Variants in RNF144B observed in about 807,000 individuals in gnomAD.
The protein encoded by RNF144B is ring finger protein 144B.
In RNF144B, 25 loss-of-function variants were observed where a neutral mutation model predicts 40.2. The observed-to-expected ratio is 0.62, with a 90% confidence interval of 0.45 to 0.87. The LOEUF (loss-of-function observed/expected upper bound fraction) is 0.87. Ranked by LOEUF, RNF144B falls within the 40% of genes least tolerant of loss-of-function variation. The pLI, the probability that RNF144B is intolerant of heterozygous loss-of-function variation, is 0.00. For missense variants in RNF144B, 365 were observed against 373.7 expected, an observed-to-expected ratio of 0.98 and a Z score of 0.19; for synonymous variants, 145 against 136.3, an observed-to-expected ratio of 1.06 and a Z score of -0.44.
rs940515870 is a variant in RNF144B, at chr6:18,468,165, A to G, written c.*3098A>G. ...TTGGAGTGTAGTCCATTTGCAATAG[A>G]AATAAAAAAATCCGTCACCAAATTG... is the stretch of plus-strand genomic sequence containing the variant. On this transcript the variant is annotated 3_prime_UTR_variant, in exon 8 of 8. Transcript: ENST00000259939. 2.0e-5 allele frequency: 3 copies of G among 152,172 alleles called. No homozygotes were observed. The highest frequency in any genetic ancestry group is 4.4e-5 in the Non-Finnish European group (3 of 68,052). 9.4% of individuals were successfully genotyped at this position (152,172 alleles called of 1,614,324 possible).
At position 18,467,395 on chromosome 6, in the gene RNF144B, C is replaced by CTTTTTTTTTTTTTTTTTT. The variant is rs1185836741; in HGVS notation, c.*2332_*2333insTTTTTTTTTTTTTTTTTT. 3.4e-5 allele frequency: 1 copy of CTTTTTTTTTTTTTTTTTT among 29,226 alleles called. No homozygotes were observed. 1.8% of individuals were successfully genotyped at this position (29,226 alleles called of 1,614,324 possible). On this transcript the variant is annotated 3_prime_UTR_variant, in exon 8 of 8. Coordinates refer to ENST00000259939, the MANE Select transcript of RNF144B (RefSeq NM_182757.4). ...AGAGTTTGTATCACTGAATTAGCTG[C>CTTTTTTTTTTTTTTTTTT]TTTTGTTTTTTTTTTTTTTTTTTTG...
At chr6:18,435,041 T>C (rs61340807) in intron 3 of RNF144B, among the ~76,000 whole-genome samples, 215 of 152,364 alleles carry the variant, frequency 1.4e-3, no homozygotes, top group African/African-American at 4.8e-3. Context: ...ATTGCTCTTA[T>C]TCTATTAACA....
intron 6 of RNF144B, among the ~76,000 whole-genome samples, chr6:18,461,013 A>G (rs1047657450): frequency 2.0e-5 from 3 of 152,198 alleles, no homozygotes; most frequent in African/African-American, 4.8e-5. Context: ...TTAATTCAAC[A>G]AGCGATTTGT....
rs552112907 is a variant in RNF144B at position 18,444,557 on chromosome 6, A to G, written c.331+4813A>G. Among the ~76,000 whole-genome samples the G allele has an allele frequency of 2.6e-5, 4 of 152,086 alleles. No homozygotes were observed. The highest frequency in any genetic ancestry group is 4.4e-5 in the Non-Finnish European group (3 of 68,000). ...CCCTGTTTGACTTTCTGTAACTGCA[A>G]GTTGCTTCCGTTCCTTGCTAGGTTG... On this transcript the variant is annotated intron_variant, in intron 4 of 7. Transcript: ENST00000259939. The surrounding 1 kb of genome is among the most constrained non-coding windows in gnomAD (Gnocchi z 4.3).
intron 1 of RNF144B, among the ~76,000 whole-genome samples, chr6:18,389,168 A>C (rs1238380189): frequency 6.6e-6 from 1 of 152,200 alleles, no homozygotes; most frequent in Admixed American, 6.5e-5. Flanking sequence ...CCCAAAGAAC[A>C]TTCTCAGCAT....
At position 18,442,331 on chromosome 6, in the gene RNF144B, G is replaced by A. The variant is rs1758982863; in HGVS notation, c.331+2587G>A. On this transcript the variant is annotated intron_variant, in intron 4 of 7. Coordinates refer to ENST00000259939, the MANE Select transcript of RNF144B (RefSeq NM_182757.4). The surrounding 1 kb of genome is among the most constrained non-coding windows in gnomAD (Gnocchi z 4.3). The stretch of plus-strand genomic sequence containing the variant: ...TGCTCTGTTACAAATTGATGAAATA[G>A]TTTTATTCATACATGGAATTTATTT... 6.6e-6 allele frequency among the ~76,000 whole-genome samples: 1 copy of A among 152,208 alleles called. No individual in the cohort carries two copies. Among genetic ancestry groups the A allele is most frequent in the Admixed American group, 6.5e-5 (1 of 15,278 alleles).
chr6:18,420,698 C>T (rs1048514629), intron 2 of RNF144B, among the ~76,000 whole-genome samples: 4 of 151,972 alleles, frequency 2.6e-5, no homozygotes, highest in Non-Finnish European at 5.9e-5. Context: ...AGTATGTCCC[C>T]AAGTGAGAAG....
intron 2 of RNF144B, among the ~76,000 whole-genome samples, chr6:18,399,956 A>T (rs903615926): frequency 6.6e-6 from 1 of 152,128 alleles, no homozygotes; most frequent in Admixed American, 6.5e-5. Flanking sequence ...TAAGGTTCAA[A>T]CTATGGAACA....
rs1795066307 is a variant in RNF144B, at chr6:18,412,408, C to T, written c.165+12709C>T. The stretch of plus-strand genomic sequence containing the variant: ...TAAAAAACATACAGTATGCTCAGTG[C>T]CAGTATAGTTTCAACTGATTTTATA... On this transcript the variant is annotated intron_variant, in intron 2 of 7. Transcript: ENST00000259939. The surrounding 1 kb of genome is among the most constrained non-coding windows in gnomAD (Gnocchi z 4.2). Among the ~76,000 whole-genome samples, 1 of 151,972 alleles carries T rather than the reference C, an allele frequency of 6.6e-6. No individual in the cohort carries two copies. The highest frequency in any genetic ancestry group is 6.5e-5 in the Admixed American group (1 of 15,268).
rs1758525860 is a variant in RNF144B, at chr6:18,425,285, C to CT, written c.166-2291dup. Among the ~76,000 whole-genome samples, 1 of 152,106 alleles carries CT rather than the reference C, an allele frequency of 6.6e-6. No individual in the cohort carries two copies. The highest frequency in any genetic ancestry group is 2.4e-5 in the African/African-American group (1 of 41,408). On this transcript the variant is annotated intron_variant, in intron 2 of 7. Transcript: ENST00000259939. The surrounding 1 kb of genome is among the most constrained non-coding windows in gnomAD (Gnocchi z 4.2). ...GAGCCTGGAGACTATATCTTTCAGT[C>CT]TTTTTACTTAAATTTCTTTAAGTGG... is the stretch of plus-strand genomic sequence containing the variant.
At position 18,444,803 on chromosome 6, in the gene RNF144B, T is replaced by G. The variant is rs6902343; in HGVS notation, c.331+5059T>G. 0.12 allele frequency among the ~76,000 whole-genome samples: 19,011 copies of G among 152,234 alleles called. 1,362 individuals carry two copies. Among genetic ancestry groups the G allele is most frequent in the Admixed American group, 0.19 (2,950 of 15,278 alleles). On this transcript the variant is annotated intron_variant, in intron 4 of 7. Coordinates refer to ENST00000259939, the MANE Select transcript of RNF144B (RefSeq NM_182757.4). This position sits in a 1 kb window ranked among gnomAD's most constrained non-coding sequence, Gnocchi z 4.3. ...CTATGCCAGGTGCCATTCCAATGCT[T>G]CTTCAAGCTGTGGTTCCATCTTTCT...
In RNF144B at chr6:18,418,042, C is replaced by G. The variant is rs111435897; in HGVS notation, c.166-9539C>G. The stretch of plus-strand genomic sequence containing the variant: ...TGCAAATCGAAACCACAATGATATT[C>G]GACTTCACATTAAGATGGCTATAAT... On this transcript the variant is annotated intron_variant, in intron 2 of 7. Coordinates refer to ENST00000259939, the MANE Select transcript of RNF144B (RefSeq NM_182757.4). This position sits in a 1 kb window ranked among gnomAD's most constrained non-coding sequence, Gnocchi z 5.2. Among the ~76,000 whole-genome samples the G allele has an allele frequency of 7.0e-4, 106 of 152,216 alleles. 1 individual carries two copies. Among genetic ancestry groups the G allele is most frequent in the African/African-American group, 2.4e-3 (99 of 41,556 alleles).
chr6:18,434,973 C>A lies in RNF144B; in HGVS notation c.271-4711C>A, dbSNP rs1335250733. Reference sequence around the variant, plus strand: ...AGGTTCATTTTTATCAGAAATGAAACAAAACAAAATAGTGATTGTGGACAA... The same window carrying A: ...AGGTTCATTTTTATCAGAAATGAAAAAAAACAAAATAGTGATTGTGGACAA... On this transcript the variant is annotated intron_variant, in intron 3 of 7. Transcript: ENST00000259939. The surrounding 1 kb of genome is among the most constrained non-coding windows in gnomAD (Gnocchi z 4.1). Among the ~76,000 whole-genome samples, 2 of 152,106 alleles carry A rather than the reference C, an allele frequency of 1.3e-5. No individual in the cohort carries two copies. The highest frequency in any genetic ancestry group is 2.9e-5 in the Non-Finnish European group (2 of 68,020).
At chr6:18,388,894 A>T (rs1256909504) in intron 1 of RNF144B, among the ~76,000 whole-genome samples, 1 of 152,132 alleles carries the variant, frequency 6.6e-6, no homozygotes, top group African/African-American at 2.4e-5. Flanking sequence ...CTGACTAATT[A>T]ATTATCTTGA....
chr6:18,432,888 A>G (rs983420483), intron 3 of RNF144B, among the ~76,000 whole-genome samples: 1 of 152,196 alleles, frequency 6.6e-6, no homozygotes, highest in African/African-American at 2.4e-5. Context: ...CACCAGAGAA[A>G]GGGTGGGTGC....
chr6:18,411,840 C>T (rs771938686), intron 2 of RNF144B, among the ~76,000 whole-genome samples: 1 of 152,080 alleles, frequency 6.6e-6, no homozygotes, highest in Non-Finnish European at 1.5e-5. Context: ...TTACGCACAT[C>T]ACTTAATAGA....
In RNF144B at chr6:18,442,031, A is replaced by G. The variant is rs1758976806; in HGVS notation, c.331+2287A>G. On this transcript the variant is annotated intron_variant, in intron 4 of 7. Transcript: ENST00000259939. The surrounding 1 kb of genome is among the most constrained non-coding windows in gnomAD (Gnocchi z 4.3). ...CATCATACTGAAGTAGATATTATTGATTGTCTTGTTGTCAGTGGGATTAGA... is the reference window on the plus strand; with the variant it reads ...CATCATACTGAAGTAGATATTATTGGTTGTCTTGTTGTCAGTGGGATTAGA... Among the ~76,000 whole-genome samples, 1 of 152,166 alleles carries G rather than the reference A, an allele frequency of 6.6e-6. No individual in the cohort carries two copies. Among genetic ancestry groups the G allele is most frequent in the Admixed American group, 6.5e-5 (1 of 15,268 alleles).
In RNF144B at chr6:18,447,680, C is replaced by T. The variant is rs1381162804; in HGVS notation, c.331+7936C>T. Among the ~76,000 whole-genome samples, 1 of 152,154 alleles carries T rather than the reference C, an allele frequency of 6.6e-6. No individual in the cohort carries two copies. Among genetic ancestry groups the T allele is most frequent in the Non-Finnish European group, 1.5e-5 (1 of 68,032 alleles). On this transcript the variant is annotated intron_variant, in intron 4 of 7. Transcript: ENST00000259939. The surrounding 1 kb of genome is among the most constrained non-coding windows in gnomAD (Gnocchi z 5.6). ...TTTGGAGTCTGTTTTCAAGGTGGAA[C>T]TGTCAGGATTTCCTGGTAGAGATAC...
At chr6:18,399,442 G>C in intron 1 of RNF144B, 57 bp from the exon 2 acceptor site, 1 of 1,275,684 alleles carries the variant, frequency 7.8e-7, no homozygotes, top group Non-Finnish European at 1.1e-6. Context: ...AGACGTGTTG[G>C]CTAAACAATA....
Sources: gnomAD v4.1 joint callset for allele counts (sites outside exome capture counted in the v4.1 genomes callset) on GRCh38, gnomAD v4.1.1 for gene constraint, Gnocchi (gnomAD v3.1) non-coding constraint, MANE v1.5 for transcripts, NCBI Gene and HGNC (gene_info 2026-07-23, HGNC 2026-07-21) for gene names.